The following VTI1A variants were observed in gnomAD, a reference collection of about 807,000 sequenced individuals.
VTI1A encodes vesicle transport through interaction with t-SNAREs homolog 1A.
Under a neutral mutation model 34.9 loss-of-function variants are expected in VTI1A, and 22 were observed. That is an observed-to-expected ratio of 0.63 (90% CI 0.45 to 0.90). VTI1A has a LOEUF of 0.90. Ranked by LOEUF, VTI1A falls within the 40% of genes least tolerant of loss-of-function variation. The pLI is 0.00. For synonymous variants in VTI1A, 87 were observed against 97.3 expected (o/e 0.89, Z 0.62); for missense variants, 268 against 275.6 (o/e 0.97, Z 0.20).
chr10:112,466,455 TA>T (rs1589799308), intron 3 of VTI1A, among the ~76,000 whole-genome samples: 1 of 152,104 alleles, frequency 6.6e-6, no homozygotes, highest in Non-Finnish European at 1.5e-5. Context: ...CCCAAATTGA[TA>T]AAATAAATAT....
chr10:112,825,258 C>G, the VTI1A span: 7,532 of 152,950 alleles, frequency 0.049, 503 homozygotes, highest in African/African-American at 0.15. Flanking sequence ...GCTCCACTCA[C>G]CTTCTACCTC....
At chr10:112,528,339 C>G (rs1850309919) in intron 4 of VTI1A, among the ~76,000 whole-genome samples, 1 of 151,900 alleles carries the variant, frequency 6.6e-6, no homozygotes, top group South Asian at 2.1e-4. Context: ...CTCACCCACC[C>G]CCAAAAAAGA....
intron 5 of VTI1A, among the ~76,000 whole-genome samples, chr10:112,660,895 T>A (rs1368835960): frequency 6.6e-6 from 1 of 152,232 alleles, no homozygotes; most frequent in African/African-American, 2.4e-5. Flanking sequence ...TTCATACATT[T>A]CACTTCTGCA....
intron 7 of VTI1A, among the ~76,000 whole-genome samples, chr10:112,776,016 C>T (rs1357832465): frequency 2.0e-5 from 3 of 147,290 alleles, no homozygotes; most frequent in South Asian, 2.1e-4. Flanking sequence ...ATTTTCTTGC[C>T]GTTTCTGGCA....
At chr10:112,474,395 TATGTGC>T (rs1165766988) in intron 3 of VTI1A, among the ~76,000 whole-genome samples, 1 of 151,950 alleles carries the variant, frequency 6.6e-6, no homozygotes, top group African/African-American at 2.4e-5. Flanking sequence ...ATTTATATAT[TATGTGC>T]ATGTGCATGC....
chr10:112,639,461 C>T (rs549327557), intron 5 of VTI1A, among the ~76,000 whole-genome samples: 2 of 152,266 alleles, frequency 1.3e-5, no homozygotes, highest in South Asian at 2.1e-4. Context: ...TTGTATTTCT[C>T]TCCTCATGTT....
intron 5 of VTI1A, among the ~76,000 whole-genome samples, chr10:112,660,319 C>T (rs936885442): frequency 6.6e-6 from 1 of 152,140 alleles, no homozygotes; most frequent in East Asian, 1.9e-4. Context: ...AGGATGATCT[C>T]GATCTCTTGA....
the VTI1A span, among the ~76,000 whole-genome samples, chr10:112,843,799 C>A: frequency 2.0e-5 from 3 of 152,112 alleles, no homozygotes; most frequent in South Asian, 6.2e-4. Context: ...CCCCCAATCC[C>A]CTGTCCTTAT....
chr10:112,708,894 A>T (rs755711817), intron 7 of VTI1A, among the ~76,000 whole-genome samples: 1 of 152,242 alleles, frequency 6.6e-6, no homozygotes, highest in Admixed American at 6.5e-5. Flanking sequence ...GTAGTTACAC[A>T]GTCTGTCTCC....
intron 7 of VTI1A, among the ~76,000 whole-genome samples, chr10:112,765,332 C>T (rs1851611371): frequency 6.6e-6 from 1 of 152,156 alleles, no homozygotes; most frequent in East Asian, 1.9e-4. Context: ...GCCTCAGCTT[C>T]CCACGTAGCT....
intron 7 of VTI1A, among the ~76,000 whole-genome samples, chr10:112,711,034 G>A (rs1849394441): frequency 1.3e-5 from 2 of 152,192 alleles, no homozygotes; most frequent in South Asian, 4.1e-4. Context: ...TTAAACCACT[G>A]CATTCCATTT....
chr10:112,849,495 G>A, the VTI1A span, among the ~76,000 whole-genome samples: 1 of 152,340 alleles, frequency 6.6e-6, no homozygotes, highest in East Asian at 1.9e-4. Flanking sequence ...CACAGGTCTT[G>A]AATGGTGACT....
the VTI1A span, among the ~76,000 whole-genome samples, chr10:112,837,052 G>T: frequency 6.6e-6 from 1 of 152,200 alleles, no homozygotes; most frequent in Non-Finnish European, 1.5e-5. Flanking sequence ...GCTGGAGGTG[G>T]TGGCCCACGC....
chr10:112,510,057 T>C (rs1311104506), intron 3 of VTI1A, among the ~76,000 whole-genome samples: 2 of 152,228 alleles, frequency 1.3e-5, no homozygotes, highest in African/African-American at 4.8e-5. Flanking sequence ...ATTCAATCCC[T>C]GTCCAGTGCT....
chr10:112,518,664 TATATACACAC>T (rs1470553886), intron 3 of VTI1A, among the ~76,000 whole-genome samples: 1 of 147,048 alleles, frequency 6.8e-6, no homozygotes, highest in Non-Finnish European at 1.5e-5. Flanking sequence ...TATATATATA[TATATACACAC>T]ACACACACAT....
intron 5 of VTI1A, among the ~76,000 whole-genome samples, chr10:112,610,087 A>C (rs1845236978): frequency 6.6e-6 from 1 of 152,212 alleles, no homozygotes; most frequent in Admixed American, 6.5e-5. Flanking sequence ...AAAAGAAAAA[A>C]AAATGAGGCG....
rs1564825223 is a variant in VTI1A, at chr10:112,555,262, A to G, written c.427+16932A>G. Among the ~76,000 whole-genome samples the G allele has an allele frequency of 1.1e-4, 16 of 152,116 alleles. 1 individual carries two copies. On this transcript the variant is annotated intron_variant, in intron 5 of 7. Transcript: ENST00000393077. ...ATATATGCATACACACACAACATACACAGAGATACAGAGTGCGAGTGGGGA... is the reference window on the plus strand; with the variant it reads ...ATATATGCATACACACACAACATACGCAGAGATACAGAGTGCGAGTGGGGA...
chr10:112,519,612 AGG>A (rs1394118163), intron 3 of VTI1A, among the ~76,000 whole-genome samples: 1 of 152,096 alleles, frequency 6.6e-6, no homozygotes, highest in Non-Finnish European at 1.5e-5. Flanking sequence ...TGGAGAATGA[AGG>A]TAGGGGGACT....
At chr10:112,460,225 T>C (rs893939945) in intron 1 of VTI1A, among the ~76,000 whole-genome samples, 1 of 152,234 alleles carries the variant, frequency 6.6e-6, no homozygotes, top group Non-Finnish European at 1.5e-5. Flanking sequence ...ACAAATCTGC[T>C]CTTGTTGACT....
Sources: allele counts gnomAD v4.1 joint callset (sites outside exome capture counted in the v4.1 genomes callset), GRCh38; gene constraint gnomAD v4.1.1; transcripts MANE v1.5; gene names NCBI Gene and HGNC (gene_info 2026-07-23, HGNC 2026-07-21).